The following CLINT1 variants were observed in gnomAD, a reference collection of about 807,000 sequenced individuals.
CLINT1 encodes clathrin interacting protein localized in the trans-Golgi region.
CLINT1 carries 15 observed loss-of-function variants against 70.4 expected under a neutral mutation model. The observed-to-expected ratio is 0.21, with a 90% confidence interval of 0.14 to 0.33. The LOEUF (loss-of-function observed/expected upper bound fraction) is 0.33, where lower values mean the gene tolerates loss of function less well. CLINT1 is among the 10% of genes least tolerant of loss of function. The probability of loss-of-function intolerance (pLI) is 1.00; values close to 1 mark genes in which losing one functional copy is unlikely to be tolerated. For missense variants in CLINT1, 615 were observed against 778.1 expected (o/e 0.79, Z 2.49); for synonymous variants, 227 against 254.7 (o/e 0.89, Z 1.04).
At chr5:157,850,356 G>A (rs1393819681) in intron 1 of CLINT1, among the ~76,000 whole-genome samples, 3 of 152,000 alleles carry the variant, frequency 2.0e-5, no homozygotes, top group Admixed American at 6.6e-5. Context: ...AGTGGCTCAC[G>A]CCTATAATCC....
Position 157,809,798 on chromosome 5 carries a change from T to A in CLINT1, c.525A>T (p.Arg175Ser), listed in dbSNP as rs748560587. The A allele has an allele frequency of 1.2e-6, 2 of 1,612,476 alleles. No homozygotes were observed. The highest frequency in any genetic ancestry group is 2.2e-5 in the South Asian group (2 of 90,846). ...ATTTTGATTTGGGCTCAGGATCATA[T>A]CTTTCACCTAGATAGAGCATTAAAA... ...DSVGGFRYSE[R>S]YDPEPKSKWD... Residue 175 changes from arginine (R) to serine (S), a missense_variant, in exon 6 of 12, where the codon AGA becomes AGT. Around this residue, in one of 2 missense-constraint regions of CLINT1, gnomAD observed 241 missense variants for 368.6 expected, o/e 0.65. Transcript: ENST00000411809.
intron 1 of CLINT1, among the ~76,000 whole-genome samples, chr5:157,858,050 A>G (rs1398510754): frequency 2.6e-5 from 4 of 152,224 alleles, no homozygotes; most frequent in Non-Finnish European, 5.9e-5. Flanking sequence ...TATACCTGAT[A>G]TACTCATTTT....
intron 1 of CLINT1, among the ~76,000 whole-genome samples, chr5:157,828,748 C>T (rs962128296): frequency 5.9e-5 from 9 of 151,830 alleles, no homozygotes; most frequent in African/African-American, 2.2e-4. Context: ...CCCTAACTCC[C>T]CTGACTCAGC....
At chr5:157,852,500 C>T (rs72814539) in intron 1 of CLINT1, among the ~76,000 whole-genome samples, 6,220 of 152,226 alleles carry the variant, frequency 0.041, 158 homozygotes, top group Middle Eastern at 0.065. Flanking sequence ...TTTTCACAAA[C>T]ACTGTATTCC....
At chr5:157,812,974 C>T (rs1581499893) in intron 5 of CLINT1, 89 bp downstream of exon 5, 1 of 1,266,198 alleles carries the variant, frequency 7.9e-7, no homozygotes, top group East Asian at 2.4e-5. Flanking sequence ...AGAAAATTAG[C>T]ATTTTGGTCT....
intron 1 of CLINT1, among the ~76,000 whole-genome samples, chr5:157,833,176 C>T (rs771651535): frequency 7.2e-5 from 11 of 151,776 alleles, no homozygotes; most frequent in African/African-American, 2.7e-4. Flanking sequence ...CACGGTGAAA[C>T]CCTGTCTCTA....
chr5:157,822,715 C>A (rs1425239736), intron 1 of CLINT1, among the ~76,000 whole-genome samples: 3 of 152,110 alleles, frequency 2.0e-5, no homozygotes, highest in Non-Finnish European at 4.4e-5. Flanking sequence ...AAGTTTCAGT[C>A]CAGTTTTTAG....
chr5:157,792,050 T>C, intron 9 of CLINT1, 55 bp from the exon 10 acceptor site: 1 of 1,480,428 alleles, frequency 6.8e-7, no homozygotes, highest in Non-Finnish European at 9.2e-7. Flanking sequence ...ACAGAACAAA[T>C]GTAACAATCT....
intron 5 of CLINT1, among the ~76,000 whole-genome samples, chr5:157,810,880 GAACAA>G (rs373077035): frequency 8.2e-4 from 125 of 152,274 alleles, no homozygotes; most frequent in African/African-American, 3.0e-3. Flanking sequence ...TTTGGAGATT[GAACAA>G]AACGATTTTG....
At chr5:157,824,040 C>A (rs1332156714) in intron 1 of CLINT1, among the ~76,000 whole-genome samples, 1 of 152,186 alleles carries the variant, frequency 6.6e-6, no homozygotes, top group Non-Finnish European at 1.5e-5. Flanking sequence ...TTGTCTTCCA[C>A]AAAACTGATC....
chr5:157,858,681 G>A (rs531806161), intron 1 of CLINT1, among the ~76,000 whole-genome samples: 1 of 152,326 alleles, frequency 6.6e-6, no homozygotes, highest in South Asian at 2.1e-4. Flanking sequence ...ATAGGGGAAG[G>A]GACGGGAAGG....
chr5:157,827,602 T>A (rs1435684225), intron 1 of CLINT1, among the ~76,000 whole-genome samples: 6 of 152,194 alleles, frequency 3.9e-5, no homozygotes, highest in Admixed American at 3.9e-4. Flanking sequence ...GTAATTTATG[T>A]AACAGATGTG....
At position 157,787,959 on chromosome 5, in the gene CLINT1, C is replaced by T. The variant is rs1485108846; in HGVS notation, c.1565G>A (p.Ser522Asn). 6.2e-7 allele frequency: 1 copy of T among 1,611,366 alleles called. No homozygotes were observed. The highest frequency in any genetic ancestry group is 8.5e-7 in the Non-Finnish European group (1 of 1,178,634). Reference protein sequence around the residue: ...MQQPMNVMTQSFGAVNLSSPS... With the variant: ...MQQPMNVMTQNFGAVNLSSPS... ...AGAACTGAGGTTCACAGCTCCAAAA[C>T]TTTGAGTCATCACATTCATAGGCTG... Residue 522 changes from serine (S) to asparagine (N), a missense_variant, in exon 12 of 12, where the codon AGT becomes AAT. By Grantham distance (46) the Ser-to-Asn change is conservative. This residue lies in a region of CLINT1 where 374 missense variants were observed against 409.6 expected (regional missense o/e 0.91). Transcript: ENST00000411809.
At chr5:157,846,499 T>C (rs935304973) in intron 1 of CLINT1, among the ~76,000 whole-genome samples, 1 of 152,190 alleles carries the variant, frequency 6.6e-6, no homozygotes, top group Admixed American at 6.5e-5. Context: ...CAGAAGTTTA[T>C]GAGGTTTAAG....
At chr5:157,807,232 G>T (rs1762415653) in intron 6 of CLINT1, among the ~76,000 whole-genome samples, 1 of 151,830 alleles carries the variant, frequency 6.6e-6, no homozygotes, top group Non-Finnish European at 1.5e-5. Context: ...AGAGCAAAGG[G>T]GTTAAATATA....
At chr5:157,788,084 T>C (rs1251779009) in intron 11 of CLINT1, 92 bp from the exon 12 acceptor site, 1 of 961,090 alleles carries the variant, frequency 1.0e-6, no homozygotes, top group Non-Finnish European at 1.6e-6. Context: ...CATCTATCTA[T>C]ACTTCTTTAG....
chr5:157,845,890 C>T (rs939451556), intron 1 of CLINT1, among the ~76,000 whole-genome samples: 2 of 152,114 alleles, frequency 1.3e-5, no homozygotes, highest in Non-Finnish European at 2.9e-5. Context: ...CCAACTTTTT[C>T]ATTATTCTTT....
In CLINT1 at chr5:157,842,923, C is replaced by T. The variant is rs1303478719; in HGVS notation, c.41+16007G>A. 2.6e-5 allele frequency among the ~76,000 whole-genome samples: 4 copies of T among 152,124 alleles called. No homozygotes were observed. The East Asian group carries it at 7.7e-4, about 29-fold the overall frequency. On this transcript the variant is annotated intron_variant, in intron 1 of 11. Transcript: ENST00000411809. The stretch of plus-strand genomic sequence containing the variant: ...TAAGGCCACTTGCACAGCTTATTTG[C>T]TCTTTAAAGTTAATCGATTTTGTTT...
rs549224181 is a variant in CLINT1 at position 157,845,932 on chromosome 5, G to A, written c.41+12998C>T. Among the ~76,000 whole-genome samples, 50 of 152,226 alleles carry A rather than the reference G, an allele frequency of 3.3e-4. No homozygotes were observed. The South Asian group carries it at 0.01, about 32-fold the overall frequency. ...TAGCAGTCTGTGATCAGTGATCTTT[G>A]ATGTTACTATTGTAATTGTTTGGGG... is the stretch of plus-strand genomic sequence containing the variant. On this transcript the variant is annotated intron_variant, in intron 1 of 11. Transcript: ENST00000411809.
Sources: gnomAD v4.1 joint callset for allele counts (sites outside exome capture counted in the v4.1 genomes callset) on GRCh38, gnomAD v4.1.1 for gene constraint, gnomAD v4.1.1 regional missense constraint, MANE v1.5 for transcripts, NCBI Gene and HGNC (gene_info 2026-07-23, HGNC 2026-07-21) for gene names.